The following LGSN variants were observed in gnomAD, a reference collection of about 807,000 sequenced individuals.
LGSN encodes lengsin, lens protein with glutamine synthetase domain, also known as lengsin.
A neutral mutation model predicts 19.5 loss-of-function variants in LGSN; 21 were observed. The ratio of observed to expected loss-of-function variants is 1.07; its 90% CI spans 0.76 to 1.55. LGSN has a LOEUF of 1.55. Ranked by LOEUF, LGSN falls within the 40% of genes most tolerant of loss-of-function variation. LGSN has a pLI of 0.00. For synonymous variants in LGSN, 257 were observed against 215.6 expected, an observed-to-expected ratio of 1.19 and a Z score of -1.68; for missense variants, 673 against 608.5, an observed-to-expected ratio of 1.11 and a Z score of -1.12.
the LGSN span, among the ~76,000 whole-genome samples, chr6:63,328,119 C>T: frequency 6.6e-6 from 1 of 152,220 alleles, no homozygotes; most frequent in Non-Finnish European, 1.5e-5. Flanking sequence ...ACTAGTTCTG[C>T]TAACTGGGCA....
At chr6:63,405,567 C>A in the LGSN span, among the ~76,000 whole-genome samples, 3 of 152,156 alleles carry the variant, frequency 2.0e-5, no homozygotes, top group African/African-American at 7.2e-5. Context: ...TGATGGTGAG[C>A]ATTTTTTCAT....
chr6:63,380,896 A>G, the LGSN span, among the ~76,000 whole-genome samples: 1 of 152,100 alleles, frequency 6.6e-6, no homozygotes, highest in Admixed American at 6.6e-5. Context: ...AGACAAACAA[A>G]CACCTGTTAA....
At chr6:63,412,731 G>GAA in the LGSN span, among the ~76,000 whole-genome samples, 1 of 38,572 alleles carries the variant, frequency 2.6e-5, no homozygotes. Context: ...AAGAAAGAAA[G>GAA]AAAGAAAGAA....
At chr6:63,349,161 A>C in the LGSN span, among the ~76,000 whole-genome samples, 1 of 151,220 alleles carries the variant, frequency 6.6e-6, no homozygotes, top group Non-Finnish European at 1.5e-5. Context: ...AGCTTCTTAC[A>C]TGCCATAGGC....
At chr6:63,424,927 GA>G in the LGSN span, among the ~76,000 whole-genome samples, 7 of 150,568 alleles carry the variant, frequency 4.6e-5, no homozygotes, top group Non-Finnish European at 8.9e-5. Flanking sequence ...AAAAGAAAAA[GA>G]AAAAAAATTC....
chr6:63,456,431 A>G, the LGSN span, among the ~76,000 whole-genome samples: 2 of 133,170 alleles, frequency 1.5e-5, no homozygotes, highest in Admixed American at 1.6e-4. Flanking sequence ...GGGTCTGCCT[A>G]TGTTGCCCAG....
intron 2 of LGSN, among the ~76,000 whole-genome samples, chr6:63,288,618 G>C (rs1015457548): frequency 6.6e-6 from 1 of 152,186 alleles, no homozygotes; most frequent in Non-Finnish European, 1.5e-5. Context: ...AAGCTACTAT[G>C]ACAAATGCCC....
the LGSN span, among the ~76,000 whole-genome samples, chr6:63,489,933 C>G: frequency 1.3e-5 from 2 of 152,160 alleles, no homozygotes; most frequent in Non-Finnish European, 2.9e-5. Context: ...TGGTCTCGAA[C>G]TCCTGACATC....
chr6:63,434,459 A>G, the LGSN span, among the ~76,000 whole-genome samples: 5 of 141,902 alleles, frequency 3.5e-5, no homozygotes, highest in Non-Finnish European at 4.6e-5. Flanking sequence ...AAAAAAAAAG[A>G]AGAAGTTGTG....
the LGSN span, among the ~76,000 whole-genome samples, chr6:63,351,393 G>T: frequency 6.6e-6 from 1 of 151,618 alleles, no homozygotes; most frequent in Non-Finnish European, 1.5e-5. Context: ...GTGTGTATGT[G>T]TGTCTGTGTG....
chr6:63,466,616 ATT>A, the LGSN span, among the ~76,000 whole-genome samples: 16 of 152,166 alleles, frequency 1.1e-4, no homozygotes, highest in Admixed American at 1.0e-3. Context: ...TTTTAAGTAT[ATT>A]TTGTTGGAAG....
intron 2 of LGSN, among the ~76,000 whole-genome samples, chr6:63,287,756 C>T (rs550209294): frequency 1.3e-5 from 2 of 152,004 alleles, no homozygotes; most frequent in East Asian, 1.9e-4. Context: ...GTATTCTAAA[C>T]ATAATAAGCA....
the LGSN span, chr6:63,550,530 T>G: frequency 6.6e-6 from 1 of 152,226 alleles, no homozygotes; most frequent in South Asian, 2.1e-4. Context: ...ATAAAGGGCC[T>G]GTAAGAGCTC....
At chr6:63,539,798 T>C in the LGSN span, among the ~76,000 whole-genome samples, 1 of 151,264 alleles carries the variant, frequency 6.6e-6, no homozygotes, top group Admixed American at 6.6e-5. Flanking sequence ...AGGATATGAA[T>C]AGGCAATCTT....
intron 1 of LGSN, among the ~76,000 whole-genome samples, chr6:63,307,988 G>A (rs1479792989): frequency 6.6e-6 from 1 of 152,214 alleles, no homozygotes; most frequent in Non-Finnish European, 1.5e-5. Context: ...CACAGGCAGA[G>A]TATTTCAGTC....
intron 1 of LGSN, among the ~76,000 whole-genome samples, chr6:63,317,511 G>A (rs556069669): frequency 4.6e-5 from 7 of 152,232 alleles, no homozygotes; most frequent in African/African-American, 1.7e-4. Context: ...ACTGGAAGTA[G>A]GTAAGTTTGA....
chr6:63,533,562 T>A, the LGSN span, among the ~76,000 whole-genome samples: 3 of 152,192 alleles, frequency 2.0e-5, no homozygotes, highest in African/African-American at 7.2e-5. Context: ...GTATGCGTTG[T>A]TTAATCTTGA....
chr6:63,474,036 T>A, the LGSN span, among the ~76,000 whole-genome samples: 1 of 151,938 alleles, frequency 6.6e-6, no homozygotes, highest in Admixed American at 6.6e-5. Context: ...ATATTTGGAA[T>A]CAGAAGATGT....
chr6:63,440,480 T>C, the LGSN span, among the ~76,000 whole-genome samples: 1 of 152,248 alleles, frequency 6.6e-6, no homozygotes, highest in Non-Finnish European at 1.5e-5. Context: ...TAAATTTTCC[T>C]GATCGTGTAT....
Sources: gnomAD v4.1 joint callset for allele counts (sites outside exome capture counted in the v4.1 genomes callset) on GRCh38, gnomAD v4.1.1 for gene constraint, MANE v1.5 for transcripts, NCBI Gene and HGNC (gene_info 2026-07-23, HGNC 2026-07-21) for gene names.